Variants in WDPCP observed in about 807,000 individuals in gnomAD.
The protein encoded by WDPCP is WD repeat containing planar cell polarity effector, also known as WD repeat-containing and planar cell polarity effector protein fritz homolog.
In WDPCP, 71 loss-of-function variants were observed where a neutral mutation model predicts 93.1. The observed-to-expected ratio is 0.76, with a 90% CI of 0.63 to 0.93. WDPCP has a LOEUF of 0.93. WDPCP is among the 40% of genes least tolerant of loss of function. The pLI is 0.00. For synonymous variants in WDPCP, 315 were observed against 315.0 expected, an observed-to-expected ratio of 1.00 and a Z score of 0.00; for missense variants, 844 against 887.4, an observed-to-expected ratio of 0.95 and a Z score of 0.62.
At chr2:63,259,568 A>G (rs1465649319) in intron 13 of WDPCP, among the ~76,000 whole-genome samples, 159 bp from the exon 14 acceptor site, 2 of 152,232 alleles carry the variant, frequency 1.3e-5, no homozygotes, top group Admixed American at 6.5e-5. Context: ...TAGTATAAGC[A>G]AATTTTTCTG....
At chr2:63,660,309 C>A (rs1456484154) in intron 2 of WDPCP, among the ~76,000 whole-genome samples, 1 of 152,122 alleles carries the variant, frequency 6.6e-6, no homozygotes, top group Non-Finnish European at 1.5e-5. Context: ...CCTTAAAATT[C>A]ACAAATCAAA....
At chr2:63,777,978 G>T (rs1670330085) in intron 2 of WDPCP, among the ~76,000 whole-genome samples, 1 of 152,116 alleles carries the variant, frequency 6.6e-6, no homozygotes, top group Non-Finnish European at 1.5e-5. Context: ...TTCTGGTAAG[G>T]AGGTAAGATT....
intron 6 of WDPCP, among the ~76,000 whole-genome samples, chr2:63,463,965 G>T (rs1699190261): frequency 6.6e-6 from 1 of 152,066 alleles, no homozygotes; most frequent in South Asian, 2.1e-4. Flanking sequence ...TGGACTTCAT[G>T]ATTTCTTGCA....
chr2:63,494,629 G>A (rs756846185), intron 1 of WDPCP, among the ~76,000 whole-genome samples: 16 of 152,026 alleles, frequency 1.1e-4, no homozygotes, highest in Non-Finnish European at 2.2e-4. Context: ...GTAAAAAGAT[G>A]GCATGACCCG....
chr2:63,239,463 T>A (rs1265416213), intron 14 of WDPCP, among the ~76,000 whole-genome samples: 1 of 152,186 alleles, frequency 6.6e-6, no homozygotes, highest in Non-Finnish European at 1.5e-5. Flanking sequence ...ACATTTAATT[T>A]TGATAAAACA....
chr2:63,509,911 A>C, intron 1 of WDPCP, among the ~76,000 whole-genome samples: 2 of 152,162 alleles, frequency 1.3e-5, no homozygotes, highest in East Asian at 3.9e-4. Context: ...CAGACCAAAA[A>C]CAAGTTCTGA....
intron 2 of WDPCP, among the ~76,000 whole-genome samples, chr2:63,675,768 T>C (rs1401598807): frequency 1.3e-5 from 2 of 152,240 alleles, no homozygotes; most frequent in African/African-American, 4.8e-5. Flanking sequence ...ATGTTTTGTC[T>C]TAAGAGATAG....
At chr2:63,455,313 T>C (rs1351749308) in intron 6 of WDPCP, among the ~76,000 whole-genome samples, 1 of 151,840 alleles carries the variant, frequency 6.6e-6, no homozygotes. Flanking sequence ...TGTAAACAGA[T>C]TAGATTCTCC....
chr2:63,825,333 T>C (rs1482855235), intron 1 of WDPCP, among the ~76,000 whole-genome samples: 2 of 152,160 alleles, frequency 1.3e-5, no homozygotes, highest in African/African-American at 4.8e-5. Context: ...CAGTATTCAT[T>C]ACGGTGATAT....
chr2:63,189,059 G>A (rs527906993), intron 14 of WDPCP, among the ~76,000 whole-genome samples: 2 of 152,246 alleles, frequency 1.3e-5, no homozygotes, highest in East Asian at 1.9e-4. Flanking sequence ...GCTTCTGACT[G>A]TCTTCTTTCC....
At chr2:63,636,952 C>T (rs1709926756) in intron 3 of WDPCP, among the ~76,000 whole-genome samples, 1 of 152,082 alleles carries the variant, frequency 6.6e-6, no homozygotes, top group African/African-American at 2.4e-5. Context: ...GTGTAAAACT[C>T]GAAATTGTAA....
At chr2:63,697,373 T>C (rs1028543013) in intron 2 of WDPCP, among the ~76,000 whole-genome samples, 2 of 152,176 alleles carry the variant, frequency 1.3e-5, no homozygotes, top group Non-Finnish European at 2.9e-5. Flanking sequence ...CAAATTCAGA[T>C]AGATCCAGAG....
At chr2:63,226,303 T>G (rs1400959379) in intron 14 of WDPCP, among the ~76,000 whole-genome samples, 2 of 151,906 alleles carry the variant, frequency 1.3e-5, no homozygotes, top group Non-Finnish European at 2.9e-5. Context: ...CTCCCTTCAA[T>G]TGCCATATAT....
intron 3 of WDPCP, among the ~76,000 whole-genome samples, chr2:63,628,497 CA>C (rs1297195379): frequency 6.6e-6 from 1 of 152,104 alleles, no homozygotes; most frequent in Admixed American, 6.5e-5. Context: ...ATTTAAAAAG[CA>C]TAAGTTTCAA....
intron 1 of WDPCP, among the ~76,000 whole-genome samples, chr2:63,823,985 G>C (rs944901373): frequency 6.6e-6 from 1 of 152,002 alleles, no homozygotes; most frequent in African/African-American, 2.4e-5. Context: ...ACCAGCCTGA[G>C]CAACATAGGG....
chr2:63,417,501 TTC>T lies in WDPCP; in HGVS notation c.826-12846_826-12845del, dbSNP rs1256893935. Among the ~76,000 whole-genome samples, 4 of 151,826 alleles carry T rather than the reference TTC, an allele frequency of 2.6e-5. No individual in the cohort carries two copies. In the South Asian group the frequency reaches 6.2e-4, roughly 24 times the overall value. On this transcript the variant is annotated intron_variant, in intron 9 of 17. Transcript: ENST00000272321. Reference sequence around the variant, plus strand: ...AACCAATATTATTAGAATGAAATATTTCTGTTTCTATGTCTATGAAATAATGA... The same window carrying T: ...AACCAATATTATTAGAATGAAATATTTGTTTCTATGTCTATGAAATAATGA...
chr2:63,582,535 T>C (rs538115437), intron 1 of WDPCP, among the ~76,000 whole-genome samples: 20 of 152,126 alleles, frequency 1.3e-4, no homozygotes, highest in Admixed American at 3.3e-4. Flanking sequence ...CCCAAATTCA[T>C]TGAAAACTAT....
At chr2:63,462,435 A>G (rs1699078598) in intron 6 of WDPCP, among the ~76,000 whole-genome samples, 1 of 152,230 alleles carries the variant, frequency 6.6e-6, no homozygotes, top group African/African-American at 2.4e-5. Flanking sequence ...CCAACATGGC[A>G]CATGTAATAC....
chr2:63,630,268 G>A (rs174485), intron 3 of WDPCP, among the ~76,000 whole-genome samples: 122,717 of 152,100 alleles, frequency 0.81, 50,138 homozygotes, highest in East Asian at 0.98. Flanking sequence ...TGAAGTGGCA[G>A]ATTTAAACTC....
Sources: allele counts gnomAD v4.1 joint callset (sites outside exome capture counted in the v4.1 genomes callset), GRCh38; gene constraint gnomAD v4.1.1; transcripts MANE v1.5; gene names NCBI Gene and HGNC (gene_info 2026-07-23, HGNC 2026-07-21).